EPHB1: variants seen among roughly 807,000 people sequenced by gnomAD.
The protein encoded by EPHB1 is ephrin type-B receptor 1.
In EPHB1, 30 loss-of-function variants were observed where a neutral mutation model predicts 94.4. The observed-to-expected ratio is 0.32, with a 90% confidence interval of 0.24 to 0.43. The LOEUF (loss-of-function observed/expected upper bound fraction) is 0.43. EPHB1 is among the 20% of genes least tolerant of loss of function. The probability of loss-of-function intolerance (pLI) is 1.00; values close to 1 mark genes in which losing one functional copy is unlikely to be tolerated. For missense variants in EPHB1, 1,055 were observed against 1,308.3 expected, an observed-to-expected ratio of 0.81 and a Z score of 2.99; for synonymous variants, 522 against 489.1, an observed-to-expected ratio of 1.07 and a Z score of -0.89.
intron 3 of EPHB1, among the ~76,000 whole-genome samples, chr3:135,077,151 TA>T (rs1393757380): frequency 6.6e-6 from 1 of 152,168 alleles, no homozygotes; most frequent in African/African-American, 2.4e-5. Flanking sequence ...TTCCAGAATG[TA>T]TTTTGCCAAA....
chr3:134,956,479 T>C (rs1258049998), intron 3 of EPHB1, among the ~76,000 whole-genome samples: 11 of 152,096 alleles, frequency 7.2e-5, no homozygotes, highest in Non-Finnish European at 1.5e-4. Context: ...AGGATGACCT[T>C]AGCTTGCTAT....
At chr3:135,219,109 G>A (rs1018514455) in intron 12 of EPHB1, among the ~76,000 whole-genome samples, 1 of 152,156 alleles carries the variant, frequency 6.6e-6, no homozygotes, top group East Asian at 1.9e-4. Flanking sequence ...TGAGGTAGAC[G>A]TAAGCCTCAT....
intron 3 of EPHB1, among the ~76,000 whole-genome samples, chr3:134,987,680 A>G (rs1167339764): frequency 6.6e-6 from 1 of 152,228 alleles, no homozygotes; most frequent in Non-Finnish European, 1.5e-5. Context: ...CTGAGGCAGG[A>G]GAACCGCTTG....
intron 1 of EPHB1, among the ~76,000 whole-genome samples, chr3:134,878,902 T>G (rs370012620): frequency 1.3e-5 from 2 of 152,234 alleles, no homozygotes; most frequent in African/African-American, 4.8e-5. Context: ...ACACTCGCTC[T>G]TACTAAAATC....
At chr3:134,796,654 C>T (rs1389177888) in intron 1 of EPHB1, among the ~76,000 whole-genome samples, 2 of 150,524 alleles carry the variant, frequency 1.3e-5, no homozygotes, top group Non-Finnish European at 3.0e-5. Context: ...CGCCTCTGTT[C>T]TTCGCAGCCT....
intron 1 of EPHB1, among the ~76,000 whole-genome samples, chr3:134,835,469 C>T (rs2036656045): frequency 6.6e-6 from 1 of 152,232 alleles, no homozygotes; most frequent in African/African-American, 2.4e-5. Flanking sequence ...TGCATCCAGG[C>T]ATGGTGCCAG....
In EPHB1 at chr3:135,179,941, T is replaced by C. The variant is rs1407250339; in HGVS notation, c.1841T>C (p.Ile614Thr). 5.6e-6 allele frequency: 9 copies of C among 1,613,974 alleles called. No homozygotes were observed. Among genetic ancestry groups the C allele is most frequent in the Non-Finnish European group, 7.6e-6 (9 of 1,179,858 alleles). The change falls in exon 10 of 16, where the codon ATT becomes ACT. Residue 614 changes from isoleucine (I) to threonine (T), a missense_variant. Transcript: ENST00000398015. Reference protein sequence around the residue: ...NEAVREFAKEIDVSFVKIEEV... With the variant: ...NEAVREFAKETDVSFVKIEEV... Reference sequence around the variant, plus strand: ...GCTGTCCGGGAGTTTGCCAAGGAGATTGATGTATCTTTTGTGAAAATTGAA... The same window carrying C: ...GCTGTCCGGGAGTTTGCCAAGGAGACTGATGTATCTTTTGTGAAAATTGAA...
At chr3:134,961,384 G>A (rs1052509277) in intron 3 of EPHB1, among the ~76,000 whole-genome samples, 4 of 152,166 alleles carry the variant, frequency 2.6e-5, no homozygotes. Flanking sequence ...CACTTCCAGG[G>A]ATGGAACACC....
chr3:135,128,963 C>T (rs1187288220), intron 4 of EPHB1, among the ~76,000 whole-genome samples: 1 of 152,158 alleles, frequency 6.6e-6, no homozygotes, highest in Admixed American at 6.5e-5. Flanking sequence ...TCTGGCTCTC[C>T]TAGCCCTCTG....
intron 3 of EPHB1, chr3:134,977,973 G>T (rs1445468076): frequency 4.4e-6 from 2 of 456,110 alleles, no homozygotes; most frequent in South Asian, 3.1e-5. Context: ...CAGTGTCCAG[G>T]CCTTTTTGGA....
intron 3 of EPHB1, among the ~76,000 whole-genome samples, chr3:135,025,221 A>ATTTATTTATTTATTTATTTATTTAT (rs779516988): frequency 8.1e-5 from 8 of 98,620 alleles, no homozygotes; most frequent in Non-Finnish European, 1.4e-4. Flanking sequence ...TTATTTATTT[A>ATTTATTTATTTATTTATTTATTTAT]TTATTATACT....
intron 3 of EPHB1, among the ~76,000 whole-genome samples, chr3:134,976,182 C>T (rs1934186641): frequency 6.6e-6 from 1 of 152,162 alleles, no homozygotes; most frequent in African/African-American, 2.4e-5. Context: ...GACTGCCGTT[C>T]CCCTACATGA....
At chr3:135,002,604 G>T (rs1935225332) in intron 3 of EPHB1, among the ~76,000 whole-genome samples, 1 of 151,738 alleles carries the variant, frequency 6.6e-6, no homozygotes, top group Admixed American at 6.6e-5. Context: ...CTTTTTGGTT[G>T]GTAAGCTATT....
At chr3:135,148,815 C>G (rs1183955568) in intron 5 of EPHB1, among the ~76,000 whole-genome samples, 1 of 152,196 alleles carries the variant, frequency 6.6e-6, no homozygotes, top group Admixed American at 6.5e-5. Context: ...CTCAGCCTGC[C>G]TTTGTTTTTC....
intron 3 of EPHB1, among the ~76,000 whole-genome samples, chr3:135,096,034 T>C (rs1466065032): frequency 8.5e-5 from 13 of 152,356 alleles, no homozygotes; most frequent in Admixed American, 7.8e-4. Context: ...TTTGTGTTTT[T>C]CCTCCATTGA....
intron 2 of EPHB1, among the ~76,000 whole-genome samples, chr3:134,936,057 G>A (rs970303800): frequency 2.0e-5 from 3 of 152,066 alleles, no homozygotes; most frequent in Non-Finnish European, 2.9e-5. Flanking sequence ...CACAAAGCTC[G>A]CTTTTGTATC....
chr3:134,845,911 C>A (rs1156625136), intron 1 of EPHB1, among the ~76,000 whole-genome samples: 2 of 152,152 alleles, frequency 1.3e-5, no homozygotes, highest in Non-Finnish European at 2.9e-5. Context: ...CACAATACCC[C>A]TCTGGCCCCT....
At position 134,795,495 on chromosome 3, in the gene EPHB1, G is replaced by A. The variant is rs1419637319; in HGVS notation, c.-137G>A. On this transcript the variant is annotated 5_prime_UTR_variant, in exon 1 of 16. Coordinates refer to ENST00000398015, the MANE Select transcript of EPHB1 (RefSeq NM_004441.5). ...CCTGCCCACGCCCACGCAGCGCTCC[G>A]GGAAGTCCGGTCCGGGCGAGAGCGC... 6 of 811,040 alleles carry A rather than the reference G, an allele frequency of 7.4e-6. No individual in the cohort carries two copies. Among genetic ancestry groups the A allele is most frequent in the African/African-American group, 1.8e-5 (1 of 54,794 alleles). The allele number at this position is 811,040 out of a possible 1,614,324, so 50.2% of individuals were successfully genotyped here.
chr3:135,249,266 C>T lies in EPHB1; in HGVS notation c.2691-70C>T, dbSNP rs114582215. The stretch of plus-strand genomic sequence containing the variant: ...TGCTGCCTTCCATGAAGTCAGCTGT[C>T]AGGCCAGACTGGGGCACTGTCCATG... On this transcript the variant is annotated intron_variant, in intron 14 of 15. Coordinates refer to ENST00000398015, the MANE Select transcript of EPHB1 (RefSeq NM_004441.5). 1,832 of 1,516,724 alleles carry T rather than the reference C, an allele frequency of 1.2e-3. 22 individuals are homozygous for T. In the African/African-American group the frequency reaches 0.023, roughly 19 times the overall value. 94.0% of individuals were successfully genotyped at this position (1,516,724 alleles called of 1,614,324 possible).
Sources: allele counts gnomAD v4.1 joint callset (sites outside exome capture counted in the v4.1 genomes callset), GRCh38; gene constraint gnomAD v4.1.1; transcripts MANE v1.5; gene names NCBI Gene and HGNC (gene_info 2026-07-23, HGNC 2026-07-21).